SOS1: variants seen among roughly 807,000 people sequenced by gnomAD.
The protein encoded by SOS1 is SOS Ras/Rac guanine nucleotide exchange factor 1, also known as son of sevenless homolog 1.
In SOS1, 25 loss-of-function variants were observed where a neutral mutation model predicts 157.6. The ratio of observed to expected loss-of-function variants is 0.16; its 90% CI spans 0.12 to 0.22. SOS1 has a LOEUF of 0.22. SOS1 is among the 10% of genes least tolerant of loss of function. The pLI, the probability that SOS1 is intolerant of heterozygous loss-of-function variation, is 1.00. For synonymous variants in SOS1, 528 were observed against 534.0 expected, an observed-to-expected ratio of 0.99 and a Z score of 0.16; for missense variants, 1,237 against 1,599.1, an observed-to-expected ratio of 0.77 and a Z score of 3.86.
intron 15 of SOS1, chr2:39,007,529 A>G (rs1023496913): frequency 4.2e-6 from 1 of 237,058 alleles, no homozygotes; most frequent in Non-Finnish European, 8.2e-6. Flanking sequence ...GGTGTATTCT[A>G]GTAGAATTCA....
At chr2:39,017,488 A>G (rs1047074808) in intron 10 of SOS1, among the ~76,000 whole-genome samples, 13 of 152,038 alleles carry the variant, frequency 8.6e-5, no homozygotes, top group Non-Finnish European at 7.4e-5. Flanking sequence ...TATGCTGTAC[A>G]GGGTTTCTGC....
chr2:39,063,810 G>C (rs1487756993), intron 2 of SOS1, among the ~76,000 whole-genome samples: 1 of 152,000 alleles, frequency 6.6e-6, no homozygotes, highest in South Asian at 2.1e-4. Context: ...TTAAAGCAAA[G>C]TGTATTCTTT....
chr2:39,096,978 T>C (rs1022862591), intron 1 of SOS1, among the ~76,000 whole-genome samples: 1 of 152,108 alleles, frequency 6.6e-6, no homozygotes, highest in African/African-American at 2.4e-5. Context: ...GAGCTACCTA[T>C]ACCTACCAAT....
Position 39,120,578 on chromosome 2 carries a change from G to A in SOS1, c.-156C>T, listed in dbSNP as rs1343620666. On this transcript the variant is annotated 5_prime_UTR_variant, in exon 1 of 23. Transcript: ENST00000402219. ...GCGCAGCCGGGCTAGCCCTGGCGAG[G>A]GGGCTGGGGGGCGAGGCCCGCGCCT... 2.3e-6 allele frequency: 2 copies of A among 863,704 alleles called. No homozygotes were observed. The highest frequency in any genetic ancestry group is 1.8e-5 in the African/African-American group (1 of 54,694). 53.5% of individuals were successfully genotyped at this position (863,704 alleles called of 1,614,324 possible).
intron 10 of SOS1, among the ~76,000 whole-genome samples, chr2:39,018,207 C>T (rs771196722): frequency 2.4e-4 from 37 of 151,840 alleles, no homozygotes; most frequent in Non-Finnish European, 1.2e-4. Flanking sequence ...TTTTTATATT[C>T]TCCTTTCTGT....
At chr2:39,036,835 A>C (rs1474062862) in intron 6 of SOS1, among the ~76,000 whole-genome samples, 1 of 151,652 alleles carries the variant, frequency 6.6e-6, no homozygotes, top group Non-Finnish European at 1.5e-5. Context: ...TCGGCCTCCC[A>C]AAGTGCTAGG....
chr2:39,112,848 G>A (rs1486247678), intron 1 of SOS1, among the ~76,000 whole-genome samples: 1 of 152,112 alleles, frequency 6.6e-6, no homozygotes, highest in Admixed American at 6.6e-5. Flanking sequence ...AGACCAGCCT[G>A]GGCAACATGG....
At chr2:38,997,977 A>G (rs1001519219) in intron 17 of SOS1, among the ~76,000 whole-genome samples, 2 of 152,192 alleles carry the variant, frequency 1.3e-5, no homozygotes, top group Admixed American at 1.3e-4. Context: ...GAGAAGTAGT[A>G]CTATTTGGAT....
Position 39,010,691 on chromosome 2 carries a change from T to C in SOS1, c.2403A>G (p.Pro801=). 1 of 1,607,730 alleles carries C rather than the reference T, an allele frequency of 6.2e-7. No individual in the cohort carries two copies. The highest frequency in any genetic ancestry group is 1.7e-4 in the Middle Eastern group (1 of 6,052). The part of the protein sequence containing the change: ...LESDLYRAVQ[P]SELVGSVWTK... Reference sequence around the variant, plus strand: ...TCCACACACTTCCAACTAATTCTGATGGCTGTACAGCTCTAAAATCATCAA... The same window carrying C: ...TCCACACACTTCCAACTAATTCTGACGGCTGTACAGCTCTAAAATCATCAA... Residue 801 remains proline, a synonymous_variant, in exon 15 of 23, where the codon CCA becomes CCG. Coordinates refer to ENST00000402219, the MANE Select transcript of SOS1 (RefSeq NM_005633.4).
At chr2:38,996,807 CT>C in intron 19 of SOS1, 114 bp downstream of exon 19, 1 of 714,390 alleles carries the variant, frequency 1.4e-6, no homozygotes, top group Non-Finnish European at 2.6e-6. Context: ...TTATTAAGTA[CT>C]TTTTCATTAC....
At chr2:39,101,906 A>G (rs1232550113) in intron 1 of SOS1, among the ~76,000 whole-genome samples, 2 of 151,974 alleles carry the variant, frequency 1.3e-5, no homozygotes, top group Admixed American at 1.3e-4. Flanking sequence ...TTCTTTTTTT[A>G]ATTAAAAAGT....
chr2:39,109,859 G>C (rs1053201781), intron 1 of SOS1, among the ~76,000 whole-genome samples: 1 of 152,238 alleles, frequency 6.6e-6, no homozygotes, highest in Middle Eastern at 3.4e-3. Context: ...AGCAATGAAA[G>C]ATTAACATTC....
At chr2:39,101,184 G>T (rs1273945609) in intron 1 of SOS1, among the ~76,000 whole-genome samples, 2 of 152,134 alleles carry the variant, frequency 1.3e-5, no homozygotes, top group East Asian at 1.9e-4. Context: ...AGAGAGAGGG[G>T]AAGTGTGTCA....
chr2:39,106,366 G>A (rs1326000334), intron 1 of SOS1, among the ~76,000 whole-genome samples: 14 of 151,866 alleles, frequency 9.2e-5, no homozygotes, highest in African/African-American at 2.9e-4. Context: ...CGAGGCGGGC[G>A]GATCACGAGG....
rs914591877 is a variant in SOS1 at position 39,120,921 on chromosome 2, G to C, written c.-499C>G. The C allele has an allele frequency of 1.4e-4, 22 of 156,670 alleles. No homozygotes were observed. The highest frequency in any genetic ancestry group is 7.1e-5 in the Non-Finnish European group (5 of 70,736). 9.7% of individuals were successfully genotyped at this position (156,670 alleles called of 1,614,324 possible). A position where few individuals can be genotyped will look rare whatever the true frequency, so the allele number is the denominator to read the frequency against. ...GGAGCTGGGGCGGAGGTCTCGCGGG[G>C]AAGGGGAAGGACCGGAGGTCGTTGT... is the stretch of plus-strand genomic sequence containing the variant. On this transcript the variant is annotated 5_prime_UTR_variant, in exon 1 of 23. Coordinates refer to ENST00000402219, the MANE Select transcript of SOS1 (RefSeq NM_005633.4).
intron 1 of SOS1, among the ~76,000 whole-genome samples, chr2:39,097,269 G>C (rs1453207756): frequency 6.6e-6 from 1 of 152,092 alleles, no homozygotes; most frequent in African/African-American, 2.4e-5. Context: ...GCAAATATGA[G>C]CTATAAATTA....
intron 6 of SOS1, among the ~76,000 whole-genome samples, chr2:39,037,667 G>A (rs1572843351): frequency 6.6e-6 from 1 of 151,190 alleles, no homozygotes; most frequent in Admixed American, 6.6e-5. Context: ...TGTGAAGCAA[G>A]TCTTTTGGCC....
intron 2 of SOS1, 135 bp from the exon 3 acceptor site, chr2:39,058,939 T>C (rs565387952): frequency 1.5e-6 from 1 of 688,254 alleles, no homozygotes; most frequent in South Asian, 1.9e-5. Flanking sequence ...TACAAACATA[T>C]GAAGCTAAGA....
Position 38,983,615 on chromosome 2 carries a change from A to AG in SOS1, c.*2208dup, listed in dbSNP as rs886056010. 8 of 152,272 alleles carry AG rather than the reference A, an allele frequency of 5.3e-5. No homozygotes were observed. The East Asian group carries it at 1.3e-3, about 26-fold the overall frequency. 9.4% of individuals were successfully genotyped at this position (152,272 alleles called of 1,614,324 possible). ...AACACATTAGCCGAAGACATACTGA[A>AG]GGGGGTCCAATGTGACTTTTACCAG... On this transcript the variant is annotated 3_prime_UTR_variant, in exon 23 of 23. Coordinates refer to ENST00000402219, the MANE Select transcript of SOS1 (RefSeq NM_005633.4).
Sources: allele counts gnomAD v4.1 joint callset (sites outside exome capture counted in the v4.1 genomes callset), GRCh38; gene constraint gnomAD v4.1.1; transcripts MANE v1.5; gene names NCBI Gene and HGNC (gene_info 2026-07-23, HGNC 2026-07-21).